Variants in LRFN2 observed in about 807,000 individuals in gnomAD.
LRFN2 encodes leucine rich repeat and fibronectin type III domain containing 2.
LRFN2 carries 18 observed loss-of-function variants against 37.3 expected under a neutral mutation model. The ratio of observed to expected loss-of-function variants is 0.48; its 90% CI spans 0.33 to 0.72. The LOEUF (loss-of-function observed/expected upper bound fraction) is 0.72. LRFN2 is among the 30% of genes least tolerant of loss of function. The pLI, the probability that LRFN2 is intolerant of heterozygous loss-of-function variation, is 0.02. For missense variants in LRFN2, 1,006 were observed against 1,060.7 expected (o/e 0.95, Z 0.72); for synonymous variants, 556 against 466.6 (o/e 1.19, Z -2.47).
chr6:40,581,343 G>A (rs1016120541), intron 1 of LRFN2, among the ~76,000 whole-genome samples: 4 of 152,184 alleles, frequency 2.6e-5, no homozygotes, highest in Non-Finnish European at 5.9e-5. Context: ...GAGCACACAG[G>A]CTCTAAACCA....
intron 2 of LRFN2, among the ~76,000 whole-genome samples, chr6:40,414,291 G>A (rs1296306415): frequency 1.3e-5 from 2 of 152,320 alleles, no homozygotes; most frequent in Non-Finnish European, 2.9e-5. Context: ...GAGGCCTCAA[G>A]ATGCTGCAGA....
chr6:40,462,965 A>G (rs937203355), intron 1 of LRFN2, among the ~76,000 whole-genome samples: 3 of 152,202 alleles, frequency 2.0e-5, no homozygotes, highest in Non-Finnish European at 4.4e-5. Flanking sequence ...AGTTCTGGCC[A>G]ATGAAGTGTA....
At chr6:40,399,487 G>A (rs1330721052) in intron 2 of LRFN2, among the ~76,000 whole-genome samples, 1 of 131,150 alleles carries the variant, frequency 7.6e-6, no homozygotes, top group Non-Finnish European at 1.6e-5. Context: ...CCAAGCTGAA[G>A]TACAGTGGTG....
At chr6:40,467,844 C>G (rs762794410) in intron 1 of LRFN2, among the ~76,000 whole-genome samples, 3 of 152,074 alleles carry the variant, frequency 2.0e-5, no homozygotes, top group African/African-American at 7.3e-5. Context: ...GAAATCTGAG[C>G]CTTAGGGTGC....
At chr6:40,456,621 G>A (rs530008117) in intron 1 of LRFN2, among the ~76,000 whole-genome samples, 1 of 152,308 alleles carries the variant, frequency 6.6e-6, no homozygotes, top group East Asian at 1.9e-4. Context: ...ATATTGGTTG[G>A]CTTGTTTGAT....
At chr6:40,474,489 T>C (rs1177897323) in intron 1 of LRFN2, among the ~76,000 whole-genome samples, 1 of 152,150 alleles carries the variant, frequency 6.6e-6, no homozygotes, top group Non-Finnish European at 1.5e-5. Flanking sequence ...TTTTTTGTTT[T>C]GTTTTGTTTT....
chr6:40,554,514 G>C lies in LRFN2; in HGVS notation c.-19+32427C>G, dbSNP rs1766833382. Among the ~76,000 whole-genome samples the C allele has an allele frequency of 2.0e-5, 3 of 152,114 alleles. No homozygotes were observed. The South Asian group carries it at 6.2e-4, about 32-fold the overall frequency. On this transcript the variant is annotated intron_variant, in intron 1 of 2. Coordinates refer to ENST00000338305, the MANE Select transcript of LRFN2 (RefSeq NM_020737.3). Reference sequence around the variant, plus strand: ...ACAGCTTGGAAGACAAATTGACAGGGAACAGAAAGGTGCCATGGGAATTGG... The same window carrying C: ...ACAGCTTGGAAGACAAATTGACAGGCAACAGAAAGGTGCCATGGGAATTGG...
intron 1 of LRFN2, among the ~76,000 whole-genome samples, chr6:40,546,370 G>T (rs1233245724): frequency 6.6e-6 from 1 of 152,194 alleles, no homozygotes; most frequent in Non-Finnish European, 1.5e-5. Context: ...GGAAGAAGGT[G>T]CATTATTCAT....
At position 40,432,425 on chromosome 6, in the gene LRFN2, G is replaced by A. The variant is rs1187131819; in HGVS notation, c.689C>T (p.Pro230Leu). ...ACTAAAGGACAAGGGTGGGGCAAAG[G>A]GTGTGGCTGTCAAAGCCGAAGCCTG... The part of the protein sequence containing the change: ...RSQASALTAT[P>L]FAPPLSFSFG... Residue 230 changes from proline to leucine, a missense_variant, in exon 2 of 3, where the codon CCC becomes CTC. Around this residue, in one of 4 missense-constraint regions of LRFN2, gnomAD observed 303 missense variants for 299.8 expected, o/e 1.01. Transcript: ENST00000338305. 3.1e-6 allele frequency: 5 copies of A among 1,614,070 alleles called. No individual in the cohort carries two copies. The highest frequency in any genetic ancestry group is 1.6e-4 in the Middle Eastern group (1 of 6,084).
At chr6:40,492,763 C>T (rs9367061) in intron 1 of LRFN2, among the ~76,000 whole-genome samples, 11,902 of 152,160 alleles carry the variant, frequency 0.078, 677 homozygotes, top group East Asian at 0.18. Flanking sequence ...GGAGGCCAGC[C>T]TCTCAGTCAT....
chr6:40,544,160 G>A (rs1766608356), intron 1 of LRFN2, among the ~76,000 whole-genome samples: 1 of 152,234 alleles, frequency 6.6e-6, no homozygotes, highest in African/African-American at 2.4e-5. Flanking sequence ...GGAGAGGAAA[G>A]TGTGTGCTGC....
At position 40,423,511 on chromosome 6, in the gene LRFN2, C is replaced by T. The variant is rs184346731; in HGVS notation, c.1400+8203G>A. ...ATATGCAGAAAGGAATCTCTGTTCTCATTTTACATATAAGAAAATAAAGAT... is the reference window on the plus strand; with the variant it reads ...ATATGCAGAAAGGAATCTCTGTTCTTATTTTACATATAAGAAAATAAAGAT... On this transcript the variant is annotated intron_variant, in intron 2 of 2. Transcript: ENST00000338305. 1.3e-3 allele frequency among the ~76,000 whole-genome samples: 192 copies of T among 152,280 alleles called. 5 individuals are homozygous for T. The highest frequency in any genetic ancestry group is 1.3e-3 in the Non-Finnish European group (90 of 68,026).
At chr6:40,420,831 T>C (rs746696702) in intron 2 of LRFN2, among the ~76,000 whole-genome samples, 8 of 152,120 alleles carry the variant, frequency 5.3e-5, no homozygotes, top group Admixed American at 2.6e-4. Context: ...TGAATACAAG[T>C]AGTTTATTTG....
At chr6:40,563,242 C>T (rs571211606) in intron 1 of LRFN2, among the ~76,000 whole-genome samples, 3 of 152,302 alleles carry the variant, frequency 2.0e-5, no homozygotes, top group Admixed American at 1.3e-4. Context: ...TCTGCATCCG[C>T]TCAGTTGCTC....
chr6:40,499,019 T>A (rs1184717320), intron 1 of LRFN2, among the ~76,000 whole-genome samples: 2 of 152,156 alleles, frequency 1.3e-5, no homozygotes, highest in African/African-American at 4.8e-5. Flanking sequence ...AAACCACTTA[T>A]ACACACGATT....
intron 1 of LRFN2, among the ~76,000 whole-genome samples, chr6:40,498,338 A>AT (rs1489963629): frequency 6.6e-6 from 1 of 152,138 alleles, no homozygotes; most frequent in Admixed American, 6.5e-5. Context: ...TCATGGCTGA[A>AT]GGGGTCTACA....
At chr6:40,574,918 G>A (rs1767249753) in intron 1 of LRFN2, among the ~76,000 whole-genome samples, 2 of 152,202 alleles carry the variant, frequency 1.3e-5, no homozygotes, top group African/African-American at 4.8e-5. Context: ...ACAGCACAGG[G>A]GATCCCTGCT....
chr6:40,442,151 A>T (rs1287163702), intron 1 of LRFN2, among the ~76,000 whole-genome samples: 1 of 152,108 alleles, frequency 6.6e-6, no homozygotes, highest in African/African-American at 2.4e-5. Flanking sequence ...TTTCCCTAGT[A>T]CCCATCCAGG....
chr6:40,500,529 G>A (rs182838392), intron 1 of LRFN2, among the ~76,000 whole-genome samples: 1 of 152,228 alleles, frequency 6.6e-6, no homozygotes, highest in Non-Finnish European at 1.5e-5. Context: ...TTCTGGAGAG[G>A]AGTGAAAGAA....
Sources: gnomAD v4.1 joint callset for allele counts (sites outside exome capture counted in the v4.1 genomes callset) on GRCh38, gnomAD v4.1.1 for gene constraint, gnomAD v4.1.1 regional missense constraint, MANE v1.5 for transcripts, NCBI Gene and HGNC (gene_info 2026-07-23, HGNC 2026-07-21) for gene names.